Variants in SLC3A1 observed in about 807,000 individuals in gnomAD.
SLC3A1 encodes the protein amino acid transporter heavy chain SLC3A1.
A neutral mutation model predicts 60.3 loss-of-function variants in SLC3A1; 78 were observed. The ratio of observed to expected loss-of-function variants is 1.29; its 90% confidence interval spans 1.08 to 1.56. SLC3A1 has a LOEUF of 1.56. Among genes scored for constraint, SLC3A1 ranks in the 40% most tolerant of loss-of-function variants. SLC3A1 has a pLI of 0.00. For synonymous variants in SLC3A1, 392 were observed against 307.9 expected (o/e 1.27, Z -2.86); for missense variants, 1,172 against 858.9 (o/e 1.36, Z -4.56).
intron 7 of SLC3A1, 73 bp from the exon 8 acceptor site, chr2:44,312,513 T>C: frequency 6.5e-7 from 1 of 1,541,654 alleles, no homozygotes. Context: ...CGTTGTGAAC[T>C]TTCTGTGAAA....
chr2:44,306,926 A>T (rs1672172734), intron 7 of SLC3A1, among the ~76,000 whole-genome samples: 1 of 152,066 alleles, frequency 6.6e-6, no homozygotes, highest in South Asian at 2.1e-4. Flanking sequence ...TGCAACCATC[A>T]CCAATGTCTC....
rs372704251 is a variant in SLC3A1, at chr2:44,284,131, C to A, written c.766-1901C>A. 1.7e-4 allele frequency among the ~76,000 whole-genome samples: 26 copies of A among 152,136 alleles called. No homozygotes were observed. The East Asian group carries it at 1.9e-3, about 11-fold the overall frequency. On this transcript the variant is annotated intron_variant, in intron 3 of 9. Transcript: ENST00000260649. The stretch of plus-strand genomic sequence containing the variant: ...GTCTTGCTCTGTCGCCCAGGCTGGA[C>A]TGCAGTGGCGTGATCTTGGCTCACT...
intron 1 of SLC3A1, among the ~76,000 whole-genome samples, chr2:44,280,277 C>T (rs533868887): frequency 2.0e-5 from 3 of 151,670 alleles, no homozygotes; most frequent in South Asian, 2.1e-4. Context: ...CTTGCTCTGT[C>T]GCCCAGGCTA....
chr2:44,313,981 T>C, intron 9 of SLC3A1, 30 bp downstream of exon 9: 1 of 1,613,726 alleles, frequency 6.2e-7, no homozygotes, highest in East Asian at 2.2e-5. Context: ...TTATGTTGAT[T>C]CTAGAAACAA....
intron 1 of SLC3A1, among the ~76,000 whole-genome samples, chr2:44,276,281 T>C (rs919724322): frequency 2.0e-5 from 3 of 152,222 alleles, no homozygotes; most frequent in African/African-American, 7.2e-5. Flanking sequence ...CTAAAATCTA[T>C]GTCCTGTTTC....
chr2:44,287,323 T>A (rs1671641776), intron 4 of SLC3A1, among the ~76,000 whole-genome samples: 1 of 151,814 alleles, frequency 6.6e-6, no homozygotes, highest in Non-Finnish European at 1.5e-5. Context: ...AAACCTGAAG[T>A]GAGAAAGGAA....
At chr2:44,318,023 C>G (rs1558473434) in intron 9 of SLC3A1, 5 of 379,092 alleles carry the variant, frequency 1.3e-5, no homozygotes, top group Middle Eastern at 3.6e-4. Flanking sequence ...ATCTTTTGAC[C>G]TAATAATTCC....
chr2:44,306,985 C>G (rs930924701), intron 7 of SLC3A1, among the ~76,000 whole-genome samples: 3 of 152,184 alleles, frequency 2.0e-5, no homozygotes, highest in Non-Finnish European at 4.4e-5. Flanking sequence ...TCTCCACTAG[C>G]AATAACTGCG....
At chr2:44,302,652 C>A (rs552390819) in intron 6 of SLC3A1, among the ~76,000 whole-genome samples, 1 of 152,276 alleles carries the variant, frequency 6.6e-6, no homozygotes, top group East Asian at 1.9e-4. Flanking sequence ...ATGTGTCTTC[C>A]CCCAGGGTTT....
chr2:44,306,596 C>T (rs1201259493), intron 7 of SLC3A1, among the ~76,000 whole-genome samples: 1 of 143,704 alleles, frequency 7.0e-6, no homozygotes, highest in East Asian at 2.0e-4. Context: ...GCTCGTTACC[C>T]AGGCTGGGGT....
chr2:44,280,801 T>C lies in SLC3A1; in HGVS notation c.516T>C (p.Asp172=). 6.2e-7 allele frequency: 1 copy of C among 1,613,460 alleles called. No homozygotes were observed. Among genetic ancestry groups the C allele is most frequent in the Non-Finnish European group, 8.5e-7 (1 of 1,179,362 alleles). Residue 172 remains aspartate (D), a synonymous_variant, in exon 2 of 10, where the codon GAT becomes GAC. Transcript: ENST00000260649. ...ITSFYKSSLK[D]FRYGVEDFRE... The stretch of plus-strand genomic sequence containing the variant: ...CATTTTATAAATCGTCCCTTAAAGA[T>C]TTCAGATATGGTGTTGAAGATTTCC...
chr2:44,311,819 T>C (rs1023085992), intron 7 of SLC3A1, among the ~76,000 whole-genome samples: 1 of 152,156 alleles, frequency 6.6e-6, no homozygotes, highest in Non-Finnish European at 1.5e-5. Flanking sequence ...CTTAGACTAC[T>C]ACTTGAATAA....
intron 4 of SLC3A1, among the ~76,000 whole-genome samples, chr2:44,297,643 G>A (rs1356660548): frequency 6.6e-6 from 1 of 152,166 alleles, no homozygotes; most frequent in African/African-American, 2.4e-5. Flanking sequence ...CAGGGAACAT[G>A]CTGTACTTCT....
At chr2:44,310,749 C>A (rs1048817041) in intron 7 of SLC3A1, among the ~76,000 whole-genome samples, 51 of 151,832 alleles carry the variant, frequency 3.4e-4, no homozygotes, top group African/African-American at 1.2e-3. Context: ...TTTTGAGACT[C>A]CCATTATGCA....
chr2:44,301,356 A>G (rs1672002023), intron 6 of SLC3A1: 1 of 620,514 alleles, frequency 1.6e-6, no homozygotes, highest in Non-Finnish European at 2.9e-6. Flanking sequence ...CACACTACGT[A>G]CTTCACAGGA....
At chr2:44,290,966 T>C (rs1671729185) in intron 4 of SLC3A1, among the ~76,000 whole-genome samples, 1 of 152,180 alleles carries the variant, frequency 6.6e-6, no homozygotes, top group South Asian at 2.1e-4. Flanking sequence ...CTAAGTGCTG[T>C]TCCTGGATAA....
At chr2:44,300,908 G>C in intron 5 of SLC3A1, 95 bp from the exon 6 acceptor site, 6 of 1,456,680 alleles carry the variant, frequency 4.1e-6, no homozygotes, top group Non-Finnish European at 5.8e-6. Flanking sequence ...CGCTTGGCTT[G>C]AGCCCTTTGA....
At chr2:44,296,322 G>T (rs1193045679) in intron 4 of SLC3A1, among the ~76,000 whole-genome samples, 1 of 152,190 alleles carries the variant, frequency 6.6e-6, no homozygotes, top group Non-Finnish European at 1.5e-5. Flanking sequence ...TAATCCGGGA[G>T]ACCTAGGACT....
At chr2:44,315,948 G>T (rs1434507719) in intron 9 of SLC3A1, among the ~76,000 whole-genome samples, 1 of 152,178 alleles carries the variant, frequency 6.6e-6, no homozygotes, top group Non-Finnish European at 1.5e-5. Context: ...AATGCTCTCA[G>T]AAAGGAGAGC....
Sources: allele counts gnomAD v4.1 joint callset (sites outside exome capture counted in the v4.1 genomes callset), GRCh38; gene constraint gnomAD v4.1.1; transcripts MANE v1.5; gene names NCBI Gene and HGNC (gene_info 2026-07-23, HGNC 2026-07-21).